Variants in ME3 observed in about 807,000 individuals in gnomAD.
ME3 encodes malic enzyme 3.
ME3 carries 48 observed loss-of-function variants against 68.9 expected under a neutral mutation model. That is an observed-to-expected ratio of 0.70 (90% CI 0.55 to 0.89). ME3 has a LOEUF of 0.89. Among genes scored for constraint, ME3 ranks in the 40% least tolerant of loss-of-function variants. The pLI is 0.00. For synonymous variants in ME3, 320 were observed against 318.8 expected (o/e 1.00, Z -0.04); for missense variants, 675 against 797.4 (o/e 0.85, Z 1.85).
intron 4 of ME3, among the ~76,000 whole-genome samples, chr11:86,531,502 T>C (rs995537706): frequency 2.6e-5 from 4 of 152,224 alleles, no homozygotes; most frequent in Non-Finnish European, 5.9e-5. Flanking sequence ...TTACTGGGTA[T>C]ATACCCAAAG....
intron 2 of ME3, among the ~76,000 whole-genome samples, chr11:86,583,923 C>A (rs1054131688): frequency 3.9e-5 from 6 of 151,996 alleles, no homozygotes; most frequent in African/African-American, 1.4e-4. Flanking sequence ...TTTATAGATA[C>A]AATATCAAAA....
At chr11:86,576,521 T>C (rs1297884475) in intron 2 of ME3, among the ~76,000 whole-genome samples, 3 of 152,238 alleles carry the variant, frequency 2.0e-5, no homozygotes, top group African/African-American at 7.2e-5. Context: ...ACTTCTTCCA[T>C]GTGCTGCCTG....
At chr11:86,530,217 G>A (rs559997939) in intron 4 of ME3, among the ~76,000 whole-genome samples, 169 of 152,004 alleles carry the variant, frequency 1.1e-3, no homozygotes, top group African/African-American at 3.8e-3. Flanking sequence ...AACAGACAGA[G>A]AGCCAAATCA....
chr11:86,492,573 C>T (rs1266887578), intron 6 of ME3, among the ~76,000 whole-genome samples: 1 of 152,188 alleles, frequency 6.6e-6, no homozygotes, highest in African/African-American at 2.4e-5. Context: ...CTAAATCTTT[C>T]CCCTCTGTTA....
intron 2 of ME3, among the ~76,000 whole-genome samples, chr11:86,608,840 T>A (rs116135955): frequency 2.0e-5 from 3 of 152,344 alleles, no homozygotes; most frequent in African/African-American, 7.2e-5. Context: ...CACTGGTAAG[T>A]CTTGGTGCAA....
chr11:86,450,121 C>T, intron 9 of ME3, 119 bp from the exon 10 acceptor site: 2 of 960,170 alleles, frequency 2.1e-6, no homozygotes, highest in Non-Finnish European at 1.6e-6. Flanking sequence ...TCCCAGGAGG[C>T]CCAATTAAGT....
At position 86,555,199 on chromosome 11, in the gene ME3, C is replaced by A. The variant is rs189672378; in HGVS notation, c.467+1354G>T. Among the ~76,000 whole-genome samples the A allele has an allele frequency of 5.3e-5, 8 of 152,254 alleles. No homozygotes were observed. In the East Asian group the frequency reaches 1.4e-3, roughly 26 times the overall value. On this transcript the variant is annotated intron_variant, in intron 4 of 14. Transcript: ENST00000543262. ...GTAGTTAGAACACTGAATTTTGGAG[C>A]TGGGCTGTGACAGGCTTAGATATCT...
At chr11:86,519,531 G>A (rs1954116385) in intron 4 of ME3, among the ~76,000 whole-genome samples, 1 of 152,174 alleles carries the variant, frequency 6.6e-6, no homozygotes, top group African/African-American at 2.4e-5. Flanking sequence ...AGCAATAAAG[G>A]GCTTAATTAA....
At chr11:86,475,207 T>TAAA (rs1011648423) in intron 7 of ME3, among the ~76,000 whole-genome samples, 3 of 152,200 alleles carry the variant, frequency 2.0e-5, no homozygotes, top group African/African-American at 7.2e-5. Context: ...ATGAATGGTT[T>TAAA]AGTACCATCC....
At chr11:86,491,217 G>C (rs1225635240) in intron 6 of ME3, among the ~76,000 whole-genome samples, 1 of 152,114 alleles carries the variant, frequency 6.6e-6, no homozygotes, top group Admixed American at 6.5e-5. Flanking sequence ...GGAGTTCAAG[G>C]GTTTAAATAA....
At chr11:86,599,528 C>A (rs1377185922) in intron 2 of ME3, among the ~76,000 whole-genome samples, 2 of 152,214 alleles carry the variant, frequency 1.3e-5, no homozygotes, top group Non-Finnish European at 2.9e-5. Context: ...AAACACTCTG[C>A]AGGTTATTAT....
At chr11:86,598,348 T>C (rs10898505) in intron 2 of ME3, among the ~76,000 whole-genome samples, 26,390 of 152,222 alleles carry the variant, frequency 0.17, 2,640 homozygotes, top group East Asian at 0.39. Flanking sequence ...CGCTCATTGC[T>C]AGCACAGCAG....
chr11:86,464,510 C>T (rs1303198396), intron 8 of ME3, among the ~76,000 whole-genome samples: 1 of 152,194 alleles, frequency 6.6e-6, no homozygotes, highest in African/African-American at 2.4e-5. Flanking sequence ...GTGTCTCTCT[C>T]AGGGTCATTA....
intron 3 of ME3, among the ~76,000 whole-genome samples, chr11:86,558,229 T>C (rs1173274606): frequency 1.3e-5 from 2 of 152,242 alleles, no homozygotes; most frequent in African/African-American, 2.4e-5. Context: ...TTGGACTTGA[T>C]TTCTTCTTTA....
intron 7 of ME3, among the ~76,000 whole-genome samples, chr11:86,475,902 A>AGAGAGAGAGAGAGAG (rs1565830505): frequency 4.3e-5 from 4 of 93,372 alleles, no homozygotes; most frequent in Admixed American, 1.0e-4. Context: ...GAGAGAGAGA[A>AGAGAGAGAGAGAGAG]AGAGAAAGAG....
intron 2 of ME3, among the ~76,000 whole-genome samples, chr11:86,611,396 T>C (rs1594660734): frequency 6.6e-6 from 1 of 152,010 alleles, no homozygotes; most frequent in Non-Finnish European, 1.5e-5. Flanking sequence ...TTAATAAGAA[T>C]TGTATACTTG....
At chr11:86,477,952 C>T (rs925227179) in intron 7 of ME3, among the ~76,000 whole-genome samples, 1 of 152,052 alleles carries the variant, frequency 6.6e-6, no homozygotes, top group Admixed American at 6.5e-5. Flanking sequence ...CAACAATGAG[C>T]CATATCAGGC....
At chr11:86,525,577 C>T (rs1954669600) in intron 4 of ME3, among the ~76,000 whole-genome samples, 1 of 151,582 alleles carries the variant, frequency 6.6e-6, no homozygotes, top group Admixed American at 6.6e-5. Context: ...TAAGAACACA[C>T]AGAGGCCGGG....
chr11:86,466,954 T>C (rs1950512410), intron 7 of ME3, among the ~76,000 whole-genome samples: 1 of 152,210 alleles, frequency 6.6e-6, no homozygotes, highest in Admixed American at 6.5e-5. Flanking sequence ...GGCACAATAA[T>C]ATCTGCCTGG....
Sources: allele counts gnomAD v4.1 joint callset (sites outside exome capture counted in the v4.1 genomes callset), GRCh38; gene constraint gnomAD v4.1.1; transcripts MANE v1.5; gene names NCBI Gene and HGNC (gene_info 2026-07-23, HGNC 2026-07-21).